Variants in PLCXD3 observed in about 807,000 individuals in gnomAD.
The protein encoded by PLCXD3 is PI-PLC X domain-containing protein 3.
In PLCXD3, 19 loss-of-function variants were observed where a neutral mutation model predicts 25.5. That is an observed-to-expected ratio of 0.75 (90% CI 0.52 to 1.09). The LOEUF (loss-of-function observed/expected upper bound fraction) is 1.09. Ranked by LOEUF, PLCXD3 falls within the 50% of genes least tolerant of loss-of-function variation. The pLI is 0.00. For missense variants in PLCXD3, 411 were observed against 388.1 expected, an observed-to-expected ratio of 1.06 and a Z score of -0.50; for synonymous variants, 174 against 137.6, an observed-to-expected ratio of 1.26 and a Z score of -1.85.
intron 1 of PLCXD3, among the ~76,000 whole-genome samples, chr5:41,447,486 TGAGA>T (rs200627915): frequency 5.9e-5 from 9 of 151,666 alleles, no homozygotes; most frequent in Non-Finnish European, 1.2e-4. Flanking sequence ...GGCAGAAGGG[TGAGA>T]GAGAGAGATT....
At chr5:41,374,362 C>G (rs1745218575) in intron 2 of PLCXD3, among the ~76,000 whole-genome samples, 1 of 152,134 alleles carries the variant, frequency 6.6e-6, no homozygotes, top group East Asian at 1.9e-4. Context: ...CTTTCTGGAG[C>G]TTCCTTTTGA....
At chr5:41,440,470 T>C (rs962242470) in intron 1 of PLCXD3, among the ~76,000 whole-genome samples, 6 of 151,956 alleles carry the variant, frequency 3.9e-5, no homozygotes, top group Admixed American at 2.0e-4. Context: ...TGACCTCAGA[T>C]GATCCACCTG....
intron 1 of PLCXD3, among the ~76,000 whole-genome samples, chr5:41,506,865 T>C (rs1164710630): frequency 6.6e-6 from 1 of 152,214 alleles, no homozygotes; most frequent in African/African-American, 2.4e-5. Context: ...AACAATTCCC[T>C]GTTGAAGAAA....
intron 1 of PLCXD3, among the ~76,000 whole-genome samples, chr5:41,390,654 G>A (rs1199172776): frequency 1.3e-5 from 2 of 152,050 alleles, no homozygotes; most frequent in African/African-American, 4.8e-5. Context: ...GCAAGAGGGT[G>A]GAATAGAAGG....
At chr5:41,378,120 G>A (rs1003915713) in intron 2 of PLCXD3, among the ~76,000 whole-genome samples, 1 of 152,072 alleles carries the variant, frequency 6.6e-6, no homozygotes, top group Non-Finnish European at 1.5e-5. Flanking sequence ...AAGTTCTGGG[G>A]AGTCAAGTGC....
chr5:41,369,761 G>C (rs160966), intron 2 of PLCXD3, among the ~76,000 whole-genome samples: 93,266 of 152,054 alleles, frequency 0.61, 29,192 homozygotes, highest in South Asian at 0.74. Flanking sequence ...TTACAAGTGT[G>C]AGCCACCATG....
chr5:41,352,023 A>C (rs972456439), intron 2 of PLCXD3, among the ~76,000 whole-genome samples: 3 of 152,222 alleles, frequency 2.0e-5, no homozygotes, highest in African/African-American at 7.2e-5. Flanking sequence ...TGTCATTTTT[A>C]CTTAATTTAT....
chr5:41,456,031 T>TA (rs376245258), intron 1 of PLCXD3, among the ~76,000 whole-genome samples: 13 of 150,180 alleles, frequency 8.7e-5, no homozygotes, highest in Admixed American at 2.0e-4. Flanking sequence ...GAGTCTGGAG[T>TA]AAAAAAAAAT....
At chr5:41,415,060 T>C (rs1457173748) in intron 1 of PLCXD3, among the ~76,000 whole-genome samples, 1 of 152,184 alleles carries the variant, frequency 6.6e-6, no homozygotes, top group East Asian at 1.9e-4. Flanking sequence ...AAACATACTA[T>C]ATGTAGGGTT....
At chr5:41,503,451 G>A (rs2111587730) in intron 1 of PLCXD3, among the ~76,000 whole-genome samples, 1 of 152,222 alleles carries the variant, frequency 6.6e-6, no homozygotes, top group South Asian at 2.1e-4. Flanking sequence ...TGAAATATAG[G>A]AACATAACAA....
At chr5:41,427,021 CTCCTT>C (rs1323650855) in intron 1 of PLCXD3, among the ~76,000 whole-genome samples, 2 of 152,108 alleles carry the variant, frequency 1.3e-5, no homozygotes, top group African/African-American at 4.8e-5. Flanking sequence ...TTATCAATCT[CTCCTT>C]TCTTGTTGCT....
intron 2 of PLCXD3, among the ~76,000 whole-genome samples, chr5:41,380,986 C>T (rs992754120): frequency 2.6e-5 from 4 of 152,098 alleles, no homozygotes; most frequent in African/African-American, 9.7e-5. Flanking sequence ...GTAACCATTC[C>T]TTATAAGGCT....
chr5:41,475,390 G>A (rs921987925), intron 1 of PLCXD3, among the ~76,000 whole-genome samples: 2 of 152,092 alleles, frequency 1.3e-5, no homozygotes, highest in African/African-American at 2.4e-5. Context: ...AGTTTCTGCT[G>A]GCTTCTGCTA....
chr5:41,509,566 G>T (rs1294293413), intron 1 of PLCXD3, among the ~76,000 whole-genome samples: 2 of 152,160 alleles, frequency 1.3e-5, no homozygotes, highest in Non-Finnish European at 2.9e-5. Context: ...CTTTGTCCAC[G>T]CTTCTTTCCT....
At chr5:41,421,920 A>T (rs1356933583) in intron 1 of PLCXD3, among the ~76,000 whole-genome samples, 2 of 152,158 alleles carry the variant, frequency 1.3e-5, no homozygotes, top group African/African-American at 2.4e-5. Flanking sequence ...ATGTAACAAC[A>T]TGCTTTTCTT....
intron 1 of PLCXD3, among the ~76,000 whole-genome samples, chr5:41,394,909 A>G (rs892597287): frequency 1.3e-5 from 2 of 152,152 alleles, no homozygotes; most frequent in Non-Finnish European, 2.9e-5. Context: ...TCAGCATTGG[A>G]CAGATCTTCC....
intron 1 of PLCXD3, among the ~76,000 whole-genome samples, chr5:41,490,009 T>G (rs1337478554): frequency 6.6e-6 from 1 of 151,992 alleles, no homozygotes; most frequent in Non-Finnish European, 1.5e-5. Context: ...CCCTGTCTTG[T>G]GCCAGTTTTC....
At chr5:41,479,729 A>AAAG (rs1748357499) in intron 1 of PLCXD3, among the ~76,000 whole-genome samples, 1 of 138,612 alleles carries the variant, frequency 7.2e-6, no homozygotes, top group South Asian at 2.4e-4. Flanking sequence ...GAGAGAGAGA[A>AAAG]AGAGAGAGAG....
At position 41,310,224 on chromosome 5, in the gene PLCXD3, G is replaced by A. The variant is rs536616641; in HGVS notation, c.*3393C>T. On this transcript the variant is annotated 3_prime_UTR_variant, in exon 3 of 3. Transcript: ENST00000377801. ...TACATTATTGTGTGGTAAATAGGGA[G>A]ACATAAATGATAATGGCAGAAGAAA... 1 of 152,204 alleles carries A rather than the reference G, an allele frequency of 6.6e-6. No individual in the cohort carries two copies. Among genetic ancestry groups the A allele is most frequent in the South Asian group, 2.1e-4 (1 of 4,822 alleles). The allele number at this position is 152,204 out of a possible 1,614,324, so 9.4% of individuals were successfully genotyped here. A position where few individuals can be genotyped will look rare whatever the true frequency, so the allele number is the denominator to read the frequency against.
Sources: gnomAD v4.1 joint callset for allele counts (sites outside exome capture counted in the v4.1 genomes callset) on GRCh38, gnomAD v4.1.1 for gene constraint, MANE v1.5 for transcripts, NCBI Gene and HGNC (gene_info 2026-07-23, HGNC 2026-07-21) for gene names.